The following NAA25 variants were observed in gnomAD, a reference collection of about 807,000 sequenced individuals.
NAA25 encodes N-terminal acetyltransferase B complex subunit NAA25.
A neutral mutation model predicts 132.5 loss-of-function variants in NAA25; 30 were observed. The ratio of observed to expected loss-of-function variants is 0.23; its 90% CI spans 0.17 to 0.31. The LOEUF is 0.31. Ranked by LOEUF, NAA25 falls within the 10% of genes least tolerant of loss-of-function variation. The pLI is 1.00. For missense variants in NAA25, 771 were observed against 1,150.4 expected (o/e 0.67, Z 4.77); for synonymous variants, 359 against 401.9 (o/e 0.89, Z 1.28).
At chr12:112,037,275 C>CATATATATATATATATAT (rs57810657) in intron 22 of NAA25, among the ~76,000 whole-genome samples, 2 of 65,162 alleles carry the variant, frequency 3.1e-5, no homozygotes, top group African/African-American at 4.6e-5. Context: ...TTAAAAAATA[C>CATATATATATATATATAT]ATATATATAT....
At position 112,047,783 on chromosome 12, in the gene NAA25, T is replaced by A; in HGVS notation, c.1888A>T (p.Ser630Cys). The A allele has an allele frequency of 6.2e-7, 1 of 1,604,888 alleles. No individual in the cohort carries two copies. The highest frequency in any genetic ancestry group is 2.2e-5 in the East Asian group (1 of 44,766). The change falls in exon 17 of 24, where the codon AGT (serine) becomes TGT (cysteine). Residue 630 changes from serine to cysteine, a missense_variant. By Grantham distance (112) the Ser-to-Cys change is moderately radical. Coordinates refer to ENST00000261745, the MANE Select transcript of NAA25 (RefSeq NM_024953.4). The stretch of plus-strand genomic sequence containing the variant: ...ATTGACTTTATACTTTCTGCTAAAC[T>A]GGTTGATCTGTGATAGAGAAAAATC... ...DLLLEANIST[S>C]LAESIKSMNL...
At chr12:112,044,668 T>TCAAAA (rs377462700) in intron 17 of NAA25, among the ~76,000 whole-genome samples, 119 of 150,404 alleles carry the variant, frequency 7.9e-4, no homozygotes, top group African/African-American at 1.7e-3. Flanking sequence ...AGACTCCATC[T>TCAAAA]CAAAACAAAA....
chr12:112,042,837 T>C (rs1419760991), intron 19 of NAA25, among the ~76,000 whole-genome samples: 1 of 152,200 alleles, frequency 6.6e-6, no homozygotes, highest in Non-Finnish European at 1.5e-5. Flanking sequence ...CCAACAGCCT[T>C]TCAACAAATG....
At chr12:112,083,840 G>T (rs778686459) in intron 4 of NAA25, among the ~76,000 whole-genome samples, 25 of 152,270 alleles carry the variant, frequency 1.6e-4, no homozygotes, top group South Asian at 4.1e-4. Context: ...TTCAAGACCA[G>T]CCTGGGAAAC....
intron 2 of NAA25, 83 bp downstream of exon 2, chr12:112,092,968 G>A (rs1374984715): frequency 8.3e-6 from 8 of 960,146 alleles, no homozygotes; most frequent in South Asian, 1.5e-5. Flanking sequence ...GAGCCACCAT[G>A]CCCGGCCCTC....
At chr12:112,043,234 A>C (rs1462755360) in intron 18 of NAA25, 23 bp from the exon 19 acceptor site, 1 of 1,565,902 alleles carries the variant, frequency 6.4e-7, no homozygotes, top group East Asian at 2.3e-5. Flanking sequence ...GAGAAAAATA[A>C]TGCTCTTTTA....
chr12:112,075,815 G>GT (rs762539459), intron 7 of NAA25, 26 bp from the exon 8 acceptor site: 1 of 1,590,390 alleles, frequency 6.3e-7, no homozygotes, highest in Non-Finnish European at 8.6e-7. Context: ...ATAAAAGTTG[G>GT]TAAGCTGGTT....
intron 22 of NAA25, among the ~76,000 whole-genome samples, chr12:112,038,535 G>A (rs188163322): frequency 6.6e-6 from 1 of 152,112 alleles, no homozygotes; most frequent in East Asian, 1.9e-4. Flanking sequence ...GATCTTTATG[G>A]GTGTCATATT....
intron 4 of NAA25, among the ~76,000 whole-genome samples, chr12:112,083,505 C>T (rs963503444): frequency 1.3e-5 from 2 of 150,414 alleles, no homozygotes; most frequent in African/African-American, 2.4e-5. Flanking sequence ...CCAGCCTGGG[C>T]GACAAGAGTG....
intron 11 of NAA25, among the ~76,000 whole-genome samples, chr12:112,064,635 T>C (rs2078687690): frequency 6.6e-6 from 1 of 152,230 alleles, no homozygotes; most frequent in Non-Finnish European, 1.5e-5. Flanking sequence ...CCTTCTTTAA[T>C]GAATTCTAAA....
chr12:112,044,119 G>A (rs12830964), intron 17 of NAA25, among the ~76,000 whole-genome samples: 1 of 151,500 alleles, frequency 6.6e-6, no homozygotes, highest in African/African-American at 2.4e-5. Flanking sequence ...TTTTAGTAGA[G>A]ACGGGTTTTC....
Position 112,108,740 on chromosome 12 carries a change from C to A in NAA25, c.34G>T (p.Asp12Tyr). ...CCGTAAATGGGCCGGAGGCGCCTGTCGTTAGGGTCCTGCACATGGCCCCGC... is the reference window on the plus strand; with the variant it reads ...CCGTAAATGGGCCGGAGGCGCCTGTAGTTAGGGTCCTGCACATGGCCCCGC... Reference protein sequence around the residue: ...ATRGHVQDPNDRRLRPIYDYL... With the variant: ...ATRGHVQDPNYRRLRPIYDYL... The change falls in exon 1 of 24, where the codon GAC becomes TAC. Residue 12 changes from aspartate to tyrosine, a missense_variant. This residue lies in a region of NAA25 where 30 missense variants were observed against 16.6 expected (regional missense o/e 1.81). Coordinates refer to ENST00000261745, the MANE Select transcript of NAA25 (RefSeq NM_024953.4). 6.5e-7 allele frequency: 1 copy of A among 1,530,126 alleles called. No individual in the cohort carries two copies. Among genetic ancestry groups the A allele is most frequent in the Non-Finnish European group, 8.8e-7 (1 of 1,136,294 alleles). 94.8% of individuals were successfully genotyped at this position (1,530,126 alleles called of 1,614,324 possible).
At chr12:112,079,730 CTT>C (rs1480864811) in intron 5 of NAA25, among the ~76,000 whole-genome samples, 1 of 152,178 alleles carries the variant, frequency 6.6e-6, no homozygotes, top group South Asian at 2.1e-4. Flanking sequence ...CAGAATCTCA[CTT>C]TGGTCCCTGG....
chr12:112,071,736 C>A (rs1007593122), intron 10 of NAA25, among the ~76,000 whole-genome samples, 159 bp downstream of exon 10: 3 of 152,144 alleles, frequency 2.0e-5, no homozygotes, highest in Non-Finnish European at 2.9e-5. Flanking sequence ...TGATAAAGGA[C>A]TAATTTTATA....
intron 4 of NAA25, among the ~76,000 whole-genome samples, chr12:112,084,124 A>T (rs1355933668): frequency 6.6e-6 from 1 of 152,226 alleles, no homozygotes; most frequent in Non-Finnish European, 1.5e-5. Context: ...ACTCAGAATG[A>T]GAATGTCATT....
intron 1 of NAA25, among the ~76,000 whole-genome samples, chr12:112,108,238 C>T (rs2136955673): frequency 6.6e-6 from 1 of 152,296 alleles, no homozygotes; most frequent in South Asian, 2.1e-4. Flanking sequence ...CACTCCGGAC[C>T]TCAGTTTCTC....
chr12:112,091,617 CG>C (rs1161776218), intron 2 of NAA25, among the ~76,000 whole-genome samples: 1 of 151,500 alleles, frequency 6.6e-6, no homozygotes, highest in Non-Finnish European at 1.5e-5. Context: ...CGCTTGAGTC[CG>C]GGGGGTCAAA....
intron 10 of NAA25, 69 bp downstream of exon 10, chr12:112,071,826 C>CGATGGTCGACGA: frequency 8.0e-7 from 1 of 1,247,882 alleles, no homozygotes; most frequent in Admixed American, 2.4e-5. Flanking sequence ...GTGTAGATCT[C>CGATGGTCGACGA]AACTAATGAA....
chr12:112,070,680 G>A (rs2078792216), intron 10 of NAA25, among the ~76,000 whole-genome samples: 2 of 152,028 alleles, frequency 1.3e-5, no homozygotes, highest in Admixed American at 1.3e-4. Context: ...TGGTTCAAGC[G>A]ATTCTTGTGT....
Sources: allele counts gnomAD v4.1 joint callset (sites outside exome capture counted in the v4.1 genomes callset), GRCh38; gene constraint gnomAD v4.1.1; regional missense constraint gnomAD v4.1.1; transcripts MANE v1.5; gene names NCBI Gene and HGNC (gene_info 2026-07-23, HGNC 2026-07-21).